AFAP1: variants seen among roughly 807,000 people sequenced by gnomAD.
The protein encoded by AFAP1 is actin filament associated protein 1, also known as actin filament-associated protein 1.
Under a neutral mutation model 93.9 loss-of-function variants are expected in AFAP1, and 75 were observed. That is an observed-to-expected ratio of 0.80 (90% CI 0.66 to 0.97). AFAP1 has a LOEUF of 0.97. AFAP1 is among the 50% of genes least tolerant of loss of function. AFAP1 has a pLI of 0.00. For synonymous variants in AFAP1, 517 were observed against 430.7 expected (o/e 1.20, Z -2.48); for missense variants, 1,201 against 1,050.8 (o/e 1.14, Z -1.98).
intron 9 of AFAP1, among the ~76,000 whole-genome samples, chr4:7,807,315 A>G (rs4689868): frequency 6.6e-6 from 1 of 152,030 alleles, no homozygotes; most frequent in Non-Finnish European, 1.5e-5. Flanking sequence ...TTGTTAATCG[A>G]TAACTCTCAA....
intron 1 of AFAP1, among the ~76,000 whole-genome samples, chr4:7,917,334 T>G (rs558680305): frequency 6.6e-6 from 1 of 152,184 alleles, no homozygotes; most frequent in East Asian, 1.9e-4. Flanking sequence ...ATCAGTACTA[T>G]TTTGTTTTTT....
chr4:7,763,257 A>C lies in AFAP1; in HGVS notation c.*508T>G, dbSNP rs1447501119. On this transcript the variant is annotated 3_prime_UTR_variant, in exon 18 of 18. Transcript: ENST00000420658. ...GGGCACGTGGAGAGGGTACGCCAAGACACAAAGTCCACGTCAGGACTGCGT... is the reference window on the plus strand; with the variant it reads ...GGGCACGTGGAGAGGGTACGCCAAGCCACAAAGTCCACGTCAGGACTGCGT... 2 of 154,264 alleles carry C rather than the reference A, an allele frequency of 1.3e-5. No individual in the cohort carries two copies. Among genetic ancestry groups the C allele is most frequent in the Admixed American group, 6.5e-5 (1 of 15,414 alleles). The allele number at this position is 154,264 out of a possible 1,614,324, so 9.6% of individuals were successfully genotyped here.
At chr4:7,778,916 A>G in intron 13 of AFAP1, 40 bp from the exon 14 acceptor site, 1 of 1,415,144 alleles carries the variant, frequency 7.1e-7, no homozygotes, top group South Asian at 1.3e-5. Flanking sequence ...AAATAAACAC[A>G]AAGTCAAACA....
chr4:7,891,069 G>A (rs1478860867), intron 1 of AFAP1, among the ~76,000 whole-genome samples: 1 of 151,328 alleles, frequency 6.6e-6, no homozygotes, highest in Admixed American at 6.6e-5. Context: ...ATCTTTTTCA[G>A]CAAGAAAAAT....
rs202073968 is a variant in AFAP1 at position 7,772,896 on chromosome 4, C to T, written c.2177G>A (p.Ser726Asn). The T allele has an allele frequency of 3.8e-5, 62 of 1,614,104 alleles. No homozygotes were observed. Among genetic ancestry groups the T allele is most frequent in the Admixed American group, 1.7e-5 (1 of 60,012 alleles). Residue 726 changes from serine (S) to asparagine (N), a missense_variant, in exon 16 of 18, where the codon AGC becomes AAC. Transcript: ENST00000420658. ...LELELTEVKE[S>N]LKKALAGGVT... The stretch of plus-strand genomic sequence containing the variant: ...TCCGCCCGCCAGCGCTTTCTTCAGG[C>T]TCTCCTTGACCTCCGTCAGCTCCAG...
intron 17 of AFAP1, among the ~76,000 whole-genome samples, chr4:7,766,617 G>T (rs1714622066): frequency 7.3e-6 from 1 of 137,886 alleles, no homozygotes; most frequent in South Asian, 2.6e-4. Flanking sequence ...AGAATCTCCA[G>T]GTGACTGTGT....
At chr4:7,795,176 G>A (rs906939079) in intron 10 of AFAP1, among the ~76,000 whole-genome samples, 1 of 152,074 alleles carries the variant, frequency 6.6e-6, no homozygotes, top group African/African-American at 2.4e-5. Context: ...TACTTTTTAT[G>A]TTGAGAAATT....
At chr4:7,789,948 G>T (rs186364450) in intron 11 of AFAP1, among the ~76,000 whole-genome samples, 1 of 152,294 alleles carries the variant, frequency 6.6e-6, no homozygotes, top group African/African-American at 2.4e-5. Flanking sequence ...TGTTTCGATT[G>T]TTTACCATTA....
intron 6 of AFAP1, among the ~76,000 whole-genome samples, chr4:7,828,693 G>A (rs930626505): frequency 2.0e-4 from 31 of 152,150 alleles, no homozygotes; most frequent in African/African-American, 6.5e-4. Flanking sequence ...TTAGCATCTC[G>A]TCCTCACAAT....
At chr4:7,801,588 CTTCCT>C (rs1166585294) in intron 9 of AFAP1, among the ~76,000 whole-genome samples, 3 of 152,034 alleles carry the variant, frequency 2.0e-5, no homozygotes, top group Non-Finnish European at 4.4e-5. Context: ...TTACTGCCCC[CTTCCT>C]TTAAGATTTA....
chr4:7,842,355 G>A (rs1209865373), intron 5 of AFAP1, among the ~76,000 whole-genome samples: 4 of 149,084 alleles, frequency 2.7e-5, no homozygotes, highest in African/African-American at 4.9e-5. Flanking sequence ...CCACTAGAGT[G>A]CTCTACAGAA....
chr4:7,881,293 G>A (rs1249164957), intron 1 of AFAP1, among the ~76,000 whole-genome samples: 4 of 151,884 alleles, frequency 2.6e-5, no homozygotes, highest in South Asian at 2.1e-4. Context: ...GATAGCACCC[G>A]CCACTTGAGT....
At chr4:7,817,026 G>C (rs1292868710) in intron 7 of AFAP1, among the ~76,000 whole-genome samples, 1 of 152,180 alleles carries the variant, frequency 6.6e-6, no homozygotes, top group South Asian at 2.1e-4. Flanking sequence ...AGGTGCTCAC[G>C]GTACTGCCTT....
intron 1 of AFAP1, among the ~76,000 whole-genome samples, chr4:7,887,183 A>G (rs942537762): frequency 2.6e-5 from 4 of 152,252 alleles, no homozygotes; most frequent in Non-Finnish European, 4.4e-5. Context: ...AAGAGAGGGC[A>G]AAGAATGATA....
At position 7,760,765 on chromosome 4, in the gene AFAP1, C is replaced by A. The variant is rs539056013; in HGVS notation, c.*3000G>T. ...AGCCCTGAAGAGTGACACTGTGGCT[C>A]AAGGTTAGAATGGAAGGAGCCCTGA... On this transcript the variant is annotated 3_prime_UTR_variant, in exon 18 of 18. Coordinates refer to ENST00000420658, the MANE Select transcript of AFAP1 (RefSeq NM_001134647.2). 6.6e-6 allele frequency: 1 copy of A among 152,386 alleles called. No homozygotes were observed. The highest frequency in any genetic ancestry group is 1.5e-5 in the Non-Finnish European group (1 of 68,044). 9.4% of individuals were successfully genotyped at this position (152,386 alleles called of 1,614,324 possible). A position where few individuals can be genotyped will look rare whatever the true frequency, so the allele number is the denominator to read the frequency against.
At chr4:7,822,550 CA>C (rs541321904) in intron 6 of AFAP1, among the ~76,000 whole-genome samples, 1 of 148,778 alleles carries the variant, frequency 6.7e-6, no homozygotes, top group African/African-American at 2.5e-5. Context: ...TGTTTTTATT[CA>C]AAAAAAACGG....
At chr4:7,853,546 C>G (rs929934731) in intron 4 of AFAP1, among the ~76,000 whole-genome samples, 3 of 152,152 alleles carry the variant, frequency 2.0e-5, no homozygotes, top group Admixed American at 2.0e-4. Context: ...TTCCCGGCTG[C>G]CGGCCCGACC....
chr4:7,797,196 G>A (rs1411780215), intron 10 of AFAP1, among the ~76,000 whole-genome samples: 2 of 152,118 alleles, frequency 1.3e-5, no homozygotes, highest in Non-Finnish European at 2.9e-5. Flanking sequence ...AAGGAATAAC[G>A]GAATTAGAAC....
At chr4:7,926,755 G>A (rs1241420412) in intron 1 of AFAP1, among the ~76,000 whole-genome samples, 1 of 151,918 alleles carries the variant, frequency 6.6e-6, no homozygotes, top group Non-Finnish European at 1.5e-5. Context: ...TTTATTTTTT[G>A]ATACGGAGTC....
Sources: gnomAD v4.1 joint callset for allele counts (sites outside exome capture counted in the v4.1 genomes callset) on GRCh38, gnomAD v4.1.1 for gene constraint, MANE v1.5 for transcripts, NCBI Gene and HGNC (gene_info 2026-07-23, HGNC 2026-07-21) for gene names.